DOCK1: variants seen among roughly 807,000 people sequenced by gnomAD.
DOCK1 encodes the protein dedicator of cytokinesis 1, also known as dedicator of cytokinesis protein 1.
DOCK1 carries 138 observed loss-of-function variants against 262.7 expected under a neutral mutation model. The ratio of observed to expected loss-of-function variants is 0.53; its 90% confidence interval spans 0.46 to 0.61. The LOEUF (loss-of-function observed/expected upper bound fraction) is 0.61, where lower values mean the gene tolerates loss of function less well. DOCK1 is among the 20% of genes least tolerant of loss of function. The pLI is 0.00. For missense variants in DOCK1, 1,908 were observed against 2,370.7 expected (o/e 0.80, Z 4.05); for synonymous variants, 866 against 867.4 (o/e 1.00, Z 0.03).
intron 23 of DOCK1, among the ~76,000 whole-genome samples, chr10:127,064,901 C>G (rs2045762355): frequency 6.6e-6 from 1 of 152,262 alleles, no homozygotes; most frequent in African/African-American, 2.4e-5. Flanking sequence ...CAAACACCAA[C>G]TCCCTGCAGC....
chr10:127,380,064 T>C lies in DOCK1; in HGVS notation c.3676-18T>C. Reference sequence around the variant, plus strand: ...TGGAACAGATTTCTTAAAACAGTATTATGGTTTAACTTTTCAGAATTTCTA... The same window carrying C: ...TGGAACAGATTTCTTAAAACAGTATCATGGTTTAACTTTTCAGAATTTCTA... On this transcript the variant is annotated intron_variant, in intron 35 of 51. Transcript: ENST00000623213. The C allele has an allele frequency of 1.4e-6, 2 of 1,471,242 alleles. No individual in the cohort carries two copies. Among genetic ancestry groups the C allele is most frequent in the Non-Finnish European group, 1.9e-6 (2 of 1,076,044 alleles). The allele number at this position is 1,471,242 out of a possible 1,614,324, so 91.1% of individuals were successfully genotyped here.
At chr10:127,052,640 C>G in intron 21 of DOCK1, 41 bp from the exon 22 acceptor site, 1 of 1,612,976 alleles carries the variant, frequency 6.2e-7, no homozygotes, top group Non-Finnish European at 8.5e-7. Flanking sequence ...GAGATATTTT[C>G]CTTTCCTGAG....
At chr10:127,081,709 CAGTCTCTTT>C (rs1452723716) in intron 23 of DOCK1, among the ~76,000 whole-genome samples, 1 of 152,164 alleles carries the variant, frequency 6.6e-6, no homozygotes, top group Non-Finnish European at 1.5e-5. Flanking sequence ...TCAGAACAGG[CAGTCTCTTT>C]ATTTCTTCTG....
chr10:127,220,016 TCA>T (rs1404660017), intron 27 of DOCK1, among the ~76,000 whole-genome samples: 1 of 152,126 alleles, frequency 6.6e-6, no homozygotes, highest in African/African-American at 2.4e-5. Context: ...CCTCCATCCT[TCA>T]CAGAGTCTTC....
intron 38 of DOCK1, among the ~76,000 whole-genome samples, chr10:127,390,613 G>A (rs892668716): frequency 2.6e-5 from 4 of 152,106 alleles, no homozygotes; most frequent in African/African-American, 7.2e-5. Flanking sequence ...ACAAGCCAAC[G>A]AGAGAGGACT....
At chr10:127,324,163 C>T (rs144673658) in intron 29 of DOCK1, among the ~76,000 whole-genome samples, 2 of 152,296 alleles carry the variant, frequency 1.3e-5, no homozygotes, top group African/African-American at 4.8e-5. Flanking sequence ...GGAGAATCCG[C>T]TTCTGATGTC....
At position 127,231,046 on chromosome 10, in the gene DOCK1, CTT is replaced by C. The variant is rs554147842; in HGVS notation, c.2848-16959_2848-16958del. On this transcript the variant is annotated intron_variant, in intron 27 of 51. Transcript: ENST00000623213. Reference sequence around the variant, plus strand: ...TTTCTTGGTTTAATTATTCCTAAGTCTTTTATTTTTTGAAGCATATTTTATCA... The same window carrying C: ...TTTCTTGGTTTAATTATTCCTAAGTCTTATTTTTTGAAGCATATTTTATCA... Among the ~76,000 whole-genome samples, 372 of 152,078 alleles carry C rather than the reference CTT, an allele frequency of 2.4e-3. 1 individual carries two copies. Among genetic ancestry groups the C allele is most frequent in the Non-Finnish European group, 4.2e-3 (287 of 67,992 alleles).
chr10:127,127,484 A>G (rs996250787), intron 26 of DOCK1, among the ~76,000 whole-genome samples, 185 bp from the exon 27 acceptor site: 1 of 152,236 alleles, frequency 6.6e-6, no homozygotes, highest in Non-Finnish European at 1.5e-5. Context: ...TTAATGGACT[A>G]TAATTAATAA....
chr10:127,134,119 C>T (rs2050499278), intron 27 of DOCK1, among the ~76,000 whole-genome samples: 1 of 152,182 alleles, frequency 6.6e-6, no homozygotes, highest in Admixed American at 6.5e-5. Flanking sequence ...AAGTTCATGC[C>T]TCTTTCTTGT....
intron 33 of DOCK1, 73 bp downstream of exon 33, chr10:127,362,285 T>A: frequency 6.5e-7 from 1 of 1,528,156 alleles, no homozygotes; most frequent in South Asian, 1.3e-5. Flanking sequence ...CAAAGAAACC[T>A]GTAGACAGTT....
intron 12 of DOCK1, among the ~76,000 whole-genome samples, chr10:127,017,625 G>A (rs1330701717): frequency 6.6e-6 from 1 of 151,856 alleles, no homozygotes; most frequent in Non-Finnish European, 1.5e-5. Flanking sequence ...ACAGGCATGC[G>A]CGCATACCCA....
chr10:127,074,082 A>T (rs1289633720), intron 23 of DOCK1, among the ~76,000 whole-genome samples: 1 of 152,246 alleles, frequency 6.6e-6, no homozygotes, highest in East Asian at 1.9e-4. Context: ...AATATTTCAT[A>T]TGTGAGCTTA....
At chr10:127,200,529 G>A (rs61874038) in intron 27 of DOCK1, among the ~76,000 whole-genome samples, 2,313 of 151,994 alleles carry the variant, frequency 0.015, 17 homozygotes, top group Non-Finnish European at 0.024. Flanking sequence ...AGCAATTCTC[G>A]TGCCTCAGCC....
intron 27 of DOCK1, among the ~76,000 whole-genome samples, chr10:127,187,855 G>T (rs2056426310): frequency 6.6e-6 from 1 of 152,146 alleles, no homozygotes; most frequent in South Asian, 2.1e-4. Flanking sequence ...AACTTCTGGA[G>T]GATGGAGACT....
intron 27 of DOCK1, among the ~76,000 whole-genome samples, chr10:127,201,808 G>A (rs547423728): frequency 8.9e-4 from 136 of 152,148 alleles, no homozygotes; most frequent in African/African-American, 3.1e-3. Context: ...CCTTTATTTT[G>A]TTGACCTTTA....
At chr10:127,334,776 T>G (rs1212340439) in intron 29 of DOCK1, among the ~76,000 whole-genome samples, 4 of 152,232 alleles carry the variant, frequency 2.6e-5, no homozygotes, top group African/African-American at 9.6e-5. Flanking sequence ...CATTTGTTAT[T>G]GTTTTTTAGA....
intron 35 of DOCK1, among the ~76,000 whole-genome samples, chr10:127,379,148 T>C (rs1316590188): frequency 1.3e-5 from 2 of 152,200 alleles, no homozygotes; most frequent in African/African-American, 2.4e-5. Context: ...TTCCTTACCT[T>C]AGGCCTTGTG....
chr10:126,918,987 G>GCACAGAGGA (rs2032884278), intron 1 of DOCK1, among the ~76,000 whole-genome samples: 1 of 105,974 alleles, frequency 9.4e-6, no homozygotes, highest in African/African-American at 3.2e-5. Flanking sequence ...AGCCGAGAGG[G>GCACAGAGGA]AGTGTGGGGG....
At chr10:127,399,449 C>T (rs112455380) in intron 38 of DOCK1, among the ~76,000 whole-genome samples, 1 of 152,270 alleles carries the variant, frequency 6.6e-6, no homozygotes, top group African/African-American at 2.4e-5. Flanking sequence ...AGATGAAAAT[C>T]TCCTTAATGC....
Sources: gnomAD v4.1 joint callset for allele counts (sites outside exome capture counted in the v4.1 genomes callset) on GRCh38, gnomAD v4.1.1 for gene constraint, MANE v1.5 for transcripts, NCBI Gene and HGNC (gene_info 2026-07-23, HGNC 2026-07-21) for gene names.